The following C12orf75 variants were observed in gnomAD, a reference collection of about 807,000 sequenced individuals.
The protein encoded by C12orf75 is overexpressed in colon carcinoma 1 protein.
A neutral mutation model predicts 11.4 loss-of-function variants in C12orf75; 4 were observed. The observed-to-expected ratio is 0.35, with a 90% CI of 0.17 to 0.80. The LOEUF (loss-of-function observed/expected upper bound fraction) is 0.80, where lower values mean the gene tolerates loss of function less well. C12orf75 is among the 30% of genes least tolerant of loss of function. The pLI is 0.52. For synonymous variants in C12orf75, 30 were observed against 30.0 expected (o/e 1.00, Z 0.00); for missense variants, 89 against 80.4 (o/e 1.11, Z -0.41).
chr12:105,345,543 G>C (rs1308572831), intron 1 of C12orf75, among the ~76,000 whole-genome samples: 1 of 151,234 alleles, frequency 6.6e-6, no homozygotes. Flanking sequence ...ATATTTCTTT[G>C]ACATAAATTT....
At position 105,348,588 on chromosome 12, in the gene C12orf75, CT is replaced by C. The variant is rs1295570518; in HGVS notation, c.47-7del. 1.3e-6 allele frequency: 2 copies of C among 1,526,298 alleles called. No homozygotes were observed. The highest frequency in any genetic ancestry group is 1.8e-6 in the Non-Finnish European group (2 of 1,130,294). The allele number at this position is 1,526,298 out of a possible 1,614,324, so 94.5% of individuals were successfully genotyped here. A position where few individuals can be genotyped will look rare whatever the true frequency, so the allele number is the denominator to read the frequency against. ...TATCACACCAATACAAACCTATCTT[CT>C]TTTTTTCTCTAGGCCCTGCAGGAGC... On this transcript the variant is annotated splice_polypyrimidine_tract_variant and intron_variant, in intron 1 of 5. Coordinates refer to ENST00000443585, the MANE Select transcript of C12orf75 (RefSeq NM_001145199.2).
intron 1 of C12orf75, among the ~76,000 whole-genome samples, chr12:105,340,109 A>G (rs1481429065): frequency 1.3e-5 from 2 of 151,936 alleles, no homozygotes; most frequent in African/African-American, 4.8e-5. Flanking sequence ...AGGAACCAAG[A>G]TATTGTGTCC....
At chr12:105,348,418 C>CAAAAAA (rs35593271) in intron 1 of C12orf75, among the ~76,000 whole-genome samples, 184 bp from the exon 2 acceptor site, 2 of 116,112 alleles carry the variant, frequency 1.7e-5, no homozygotes, top group Non-Finnish European at 1.8e-5. Context: ...GTATCTGAAA[C>CAAAAAA]AAAAAAAAAA....
intron 2 of C12orf75, among the ~76,000 whole-genome samples, chr12:105,357,778 CTGTGTGTGTG>C (rs67643973): frequency 7.3e-6 from 1 of 137,246 alleles, no homozygotes; most frequent in Non-Finnish European, 1.6e-5. Flanking sequence ...AATGTATTTT[CTGTGTGTGTG>C]TGTGTGTGTG....
intron 1 of C12orf75, among the ~76,000 whole-genome samples, chr12:105,335,174 T>C (rs1892485650): frequency 6.6e-6 from 1 of 152,240 alleles, no homozygotes; most frequent in Non-Finnish European, 1.5e-5. Flanking sequence ...AGGAGCTTGA[T>C]AATTATTTAC....
At chr12:105,364,206 T>C (rs1389700961) in intron 2 of C12orf75, among the ~76,000 whole-genome samples, 1 of 152,238 alleles carries the variant, frequency 6.6e-6, no homozygotes, top group Non-Finnish European at 1.5e-5. Flanking sequence ...GTCCTCATCA[T>C]TTCTCCATTA....
At chr12:105,366,283 A>G (rs1018085361) in intron 3 of C12orf75, 1 of 264,874 alleles carries the variant, frequency 3.8e-6, no homozygotes, top group Non-Finnish European at 7.1e-6. Context: ...ACCACTCTGA[A>G]TTATTGATAA....
intron 2 of C12orf75, among the ~76,000 whole-genome samples, chr12:105,354,980 AT>A (rs200021874): frequency 2.0e-5 from 3 of 151,048 alleles, no homozygotes; most frequent in East Asian, 1.9e-4. Context: ...CGAAAGGAGG[AT>A]TTTTTTTTCC....
At chr12:105,347,122 C>T (rs1437858673) in intron 1 of C12orf75, among the ~76,000 whole-genome samples, 1 of 152,154 alleles carries the variant, frequency 6.6e-6, no homozygotes, top group Non-Finnish European at 1.5e-5. Flanking sequence ...GGAACCAAGT[C>T]CTGTGCCTCC....
At chr12:105,370,056 A>G (rs1312976906) in intron 5 of C12orf75, among the ~76,000 whole-genome samples, 2 of 152,240 alleles carry the variant, frequency 1.3e-5, no homozygotes, top group African/African-American at 4.8e-5. Flanking sequence ...ATTTTGAAAC[A>G]AATTGAGGAA....
At chr12:105,343,693 GT>G (rs1236012852) in intron 1 of C12orf75, among the ~76,000 whole-genome samples, 1 of 151,226 alleles carries the variant, frequency 6.6e-6, no homozygotes, top group Non-Finnish European at 1.5e-5. Flanking sequence ...TGATAGTTTT[GT>G]TTAGGGTTTC....
intron 1 of C12orf75, among the ~76,000 whole-genome samples, chr12:105,343,522 C>T (rs1284165539): frequency 1.3e-5 from 2 of 152,166 alleles, no homozygotes; most frequent in Non-Finnish European, 2.9e-5. Context: ...TGCATAATTA[C>T]TTAGATTAGG....
rs539653572 is a variant in C12orf75, at chr12:105,344,278, T to G, written c.47-4324T>G. On this transcript the variant is annotated intron_variant, in intron 1 of 5. Transcript: ENST00000443585. Reference sequence around the variant, plus strand: ...TTACTAGATGCTGAAACAAAGTGATTTAGTGACTGTCAGACAAATACTGGC... The same window carrying G: ...TTACTAGATGCTGAAACAAAGTGATGTAGTGACTGTCAGACAAATACTGGC... Among the ~76,000 whole-genome samples the G allele has an allele frequency of 3.3e-5, 5 of 152,270 alleles. No homozygotes were observed. In the South Asian group the frequency reaches 1.0e-3, roughly 32 times the overall value.
intron 2 of C12orf75, among the ~76,000 whole-genome samples, chr12:105,349,865 A>G (rs952672736): frequency 3.3e-5 from 5 of 152,192 alleles, no homozygotes; most frequent in Non-Finnish European, 7.3e-5. Flanking sequence ...TGACAGAGCC[A>G]GACTCTGTCT....
chr12:105,367,374 C>G (rs1442873760), intron 4 of C12orf75, 98 bp from the exon 5 acceptor site: 6 of 455,480 alleles, frequency 1.3e-5, no homozygotes, highest in Non-Finnish European at 2.5e-5. Context: ...TTTAGACTAG[C>G]AAATACATGT....
intron 2 of C12orf75, among the ~76,000 whole-genome samples, chr12:105,357,051 A>G (rs1892791986): frequency 6.6e-6 from 1 of 152,214 alleles, no homozygotes; most frequent in Admixed American, 6.5e-5. Context: ...TTTTGGAGGC[A>G]GCCCACCTTC....
chr12:105,358,728 G>A (rs1240101582), intron 2 of C12orf75, among the ~76,000 whole-genome samples: 1 of 152,180 alleles, frequency 6.6e-6, no homozygotes, highest in African/African-American at 2.4e-5. Context: ...TTTCAGTCAT[G>A]CTTACCCTGG....
Position 105,370,917 on chromosome 12 carries a change from C to T in C12orf75, c.*317C>T, listed in dbSNP as rs905683213. ...GGCCGCTGCATTTTGACAACATTTC[C>T]ACCCTGGCCACTCAGCACATTTCAT... is the stretch of plus-strand genomic sequence containing the variant. On this transcript the variant is annotated 3_prime_UTR_variant, in exon 6 of 6. Coordinates refer to ENST00000443585, the MANE Select transcript of C12orf75 (RefSeq NM_001145199.2). The T allele has an allele frequency of 6.4e-6, 2 of 312,908 alleles. No homozygotes were observed. The highest frequency in any genetic ancestry group is 4.3e-5 in the African/African-American group (2 of 46,380). The allele number at this position is 312,908 out of a possible 1,614,324, so 19.4% of individuals were successfully genotyped here.
intron 2 of C12orf75, among the ~76,000 whole-genome samples, chr12:105,364,303 G>T (rs1485498124): frequency 6.6e-6 from 1 of 152,158 alleles, no homozygotes; most frequent in Non-Finnish European, 1.5e-5. Flanking sequence ...AACACCATTA[G>T]TATGACTTTG....
Sources: allele counts gnomAD v4.1 joint callset (sites outside exome capture counted in the v4.1 genomes callset), GRCh38; gene constraint gnomAD v4.1.1; transcripts MANE v1.5; gene names NCBI Gene and HGNC (gene_info 2026-07-23, HGNC 2026-07-21).